Variants in AHCYL2 observed in about 807,000 individuals in gnomAD.
AHCYL2 encodes S-adenosylhomocysteine hydrolase-like protein 2.
A neutral mutation model predicts 81.4 loss-of-function variants in AHCYL2; 28 were observed. The observed-to-expected ratio is 0.34, with a 90% CI of 0.25 to 0.47. AHCYL2 has a LOEUF of 0.47. Ranked by LOEUF, AHCYL2 falls within the 20% of genes least tolerant of loss-of-function variation. The pLI is 1.00. For synonymous variants in AHCYL2, 272 were observed against 290.2 expected, an observed-to-expected ratio of 0.94 and a Z score of 0.64; for missense variants, 551 against 785.1, an observed-to-expected ratio of 0.70 and a Z score of 3.56.
chr7:129,262,564 G>T (rs1795680998), intron 1 of AHCYL2, among the ~76,000 whole-genome samples: 1 of 152,236 alleles, frequency 6.6e-6, no homozygotes, highest in South Asian at 2.1e-4. Flanking sequence ...GTTGGTGGTT[G>T]TGAGGAAACC....
intron 11 of AHCYL2, among the ~76,000 whole-genome samples, chr7:129,411,611 A>T (rs1796581218): frequency 6.6e-6 from 1 of 152,006 alleles, no homozygotes; most frequent in East Asian, 1.9e-4. Flanking sequence ...AATACAAAAA[A>T]TTAGCCAGAT....
intron 4 of AHCYL2, among the ~76,000 whole-genome samples, chr7:129,391,956 G>T (rs1795490350): frequency 6.6e-6 from 1 of 152,054 alleles, no homozygotes; most frequent in Non-Finnish European, 1.5e-5. Context: ...ATCTTTTTTG[G>T]CCTGCTCAGT....
At chr7:129,314,913 C>CT (rs779953116) in intron 1 of AHCYL2, among the ~76,000 whole-genome samples, 26 of 152,208 alleles carry the variant, frequency 1.7e-4, no homozygotes, top group Middle Eastern at 3.4e-3. Flanking sequence ...TTATTTGCTG[C>CT]TTTTTTTAGC....
At chr7:129,284,319 C>T (rs930175687) in intron 1 of AHCYL2, among the ~76,000 whole-genome samples, 8 of 152,074 alleles carry the variant, frequency 5.3e-5, no homozygotes, top group South Asian at 2.1e-4. Flanking sequence ...AATAATTGGC[C>T]GGGCATGGTG....
At chr7:129,353,815 A>G (rs745830011) in intron 1 of AHCYL2, among the ~76,000 whole-genome samples, 1 of 151,614 alleles carries the variant, frequency 6.6e-6, no homozygotes, top group Non-Finnish European at 1.5e-5. Context: ...ACTAGAATAG[A>G]ATCTTCAAGA....
chr7:129,284,846 T>G (rs1289503265), intron 1 of AHCYL2, among the ~76,000 whole-genome samples: 5 of 152,146 alleles, frequency 3.3e-5, no homozygotes, highest in Admixed American at 6.5e-5. Context: ...AAATTGAAAA[T>G]GAAATCATTA....
At chr7:129,236,515 G>GT (rs1794650232) in intron 1 of AHCYL2, among the ~76,000 whole-genome samples, 1 of 151,738 alleles carries the variant, frequency 6.6e-6, no homozygotes, top group Non-Finnish European at 1.5e-5. Context: ...TAATTTCTGT[G>GT]TTTTTTGTAG....
chr7:129,366,330 C>T (rs2150849960), intron 1 of AHCYL2, among the ~76,000 whole-genome samples: 1 of 152,282 alleles, frequency 6.6e-6, no homozygotes, highest in East Asian at 1.9e-4. Context: ...TGAATTCTGC[C>T]CTCTCTGGCA....
rs542911356 is a variant in AHCYL2 at position 129,346,544 on chromosome 7, T to C, written c.364-33094T>C. Among the ~76,000 whole-genome samples the C allele has an allele frequency of 3.3e-5, 5 of 152,298 alleles. No homozygotes were observed. In the East Asian group the frequency reaches 9.6e-4, roughly 29 times the overall value. On this transcript the variant is annotated intron_variant, in intron 1 of 16. Transcript: ENST00000325006. Reference sequence around the variant, plus strand: ...GCATCTAAAAAGATGCTCAACATCATATGTCATTAGGGAAGTGCAAATTAA... The same window carrying C: ...GCATCTAAAAAGATGCTCAACATCACATGTCATTAGGGAAGTGCAAATTAA...
At chr7:129,270,003 G>A (rs1408406944) in intron 1 of AHCYL2, among the ~76,000 whole-genome samples, 1 of 152,152 alleles carries the variant, frequency 6.6e-6, no homozygotes, top group Non-Finnish European at 1.5e-5. Flanking sequence ...TACTTACAGT[G>A]ATGGAAAGTT....
chr7:129,403,688 C>G (rs1365097611), intron 7 of AHCYL2, among the ~76,000 whole-genome samples: 1 of 151,532 alleles, frequency 6.6e-6, no homozygotes, highest in Admixed American at 6.6e-5. Flanking sequence ...ACGGTGAAAC[C>G]CCGTCTCTAC....
intron 1 of AHCYL2, among the ~76,000 whole-genome samples, chr7:129,265,013 A>G (rs1333362683): frequency 6.6e-6 from 1 of 152,220 alleles, no homozygotes; most frequent in Non-Finnish European, 1.5e-5. Context: ...AACTTGAGTA[A>G]GTTATATACA....
intron 1 of AHCYL2, among the ~76,000 whole-genome samples, chr7:129,319,368 T>G (rs1052503969): frequency 6.6e-6 from 1 of 151,704 alleles, no homozygotes; most frequent in Non-Finnish European, 1.5e-5. Context: ...GGCAATCCCT[T>G]GAACCCAGAA....
intron 1 of AHCYL2, among the ~76,000 whole-genome samples, chr7:129,342,440 A>G (rs1006286195): frequency 1.3e-5 from 2 of 152,220 alleles, no homozygotes; most frequent in African/African-American, 2.4e-5. Context: ...CCTTTCCTTT[A>G]AAATAGGAAT....
intron 13 of AHCYL2, 36 bp downstream of exon 13, chr7:129,422,974 C>T (rs754923062): frequency 1.1e-5 from 17 of 1,583,252 alleles, no homozygotes; most frequent in Non-Finnish European, 1.5e-5. Context: ...TCCCCCACAA[C>T]AGGAGAGACT....
intron 4 of AHCYL2, among the ~76,000 whole-genome samples, chr7:129,392,554 G>T (rs1325220739): frequency 6.6e-6 from 1 of 152,090 alleles, no homozygotes; most frequent in African/African-American, 2.4e-5. Flanking sequence ...TCGCCTAGGG[G>T]GTTAGTTTTT....
intron 2 of AHCYL2, among the ~76,000 whole-genome samples, chr7:129,383,229 A>C (rs536429317): frequency 1.3e-5 from 2 of 152,134 alleles, no homozygotes; most frequent in South Asian, 4.2e-4. Context: ...GTAGTGGCAC[A>C]ATCATGGCTT....
intron 1 of AHCYL2, among the ~76,000 whole-genome samples, chr7:129,267,217 A>T (rs180859780): frequency 2.7e-5 from 3 of 109,450 alleles, no homozygotes; most frequent in African/African-American, 6.5e-5. Context: ...CAAGTTATTG[A>T]GTTCACTCAA....
intron 1 of AHCYL2, among the ~76,000 whole-genome samples, chr7:129,234,175 C>T (rs539313359): frequency 2.1e-4 from 32 of 152,006 alleles, no homozygotes; most frequent in Non-Finnish European, 2.2e-4. Context: ...CTCAGCCTCC[C>T]GAGTAGCTGG....
Sources: gnomAD v4.1 joint callset for allele counts (sites outside exome capture counted in the v4.1 genomes callset) on GRCh38, gnomAD v4.1.1 for gene constraint, MANE v1.5 for transcripts, NCBI Gene and HGNC (gene_info 2026-07-23, HGNC 2026-07-21) for gene names.